Variants in OXR1 observed in about 807,000 individuals in gnomAD.
OXR1 encodes oxidation resistance protein 1.
Under a neutral mutation model 104.6 loss-of-function variants are expected in OXR1, and 41 were observed. The observed-to-expected ratio is 0.39, with a 90% CI of 0.31 to 0.51. OXR1 has a LOEUF of 0.51. Ranked by LOEUF, OXR1 falls within the 20% of genes least tolerant of loss-of-function variation. The pLI, the probability that OXR1 is intolerant of heterozygous loss-of-function variation, is 0.77. For missense variants in OXR1, 955 were observed against 1,031.9 expected, an observed-to-expected ratio of 0.93 and a Z score of 1.02; for synonymous variants, 348 against 348.4, an observed-to-expected ratio of 1.00 and a Z score of 0.01.
intron 2 of OXR1, among the ~76,000 whole-genome samples, chr8:106,470,416 TAAG>T (rs111932696): frequency 0.062 from 9,382 of 151,732 alleles, 699 homozygotes; most frequent in African/African-American, 0.18. Context: ...AAATCAAGAA[TAAG>T]TCCGAGTATT....
chr8:106,510,852 A>C (rs1277425413), intron 2 of OXR1, among the ~76,000 whole-genome samples: 2 of 152,224 alleles, frequency 1.3e-5, no homozygotes, highest in South Asian at 4.1e-4. Context: ...GTTATAACAA[A>C]CTATCTAGTT....
intron 2 of OXR1, among the ~76,000 whole-genome samples, chr8:106,491,039 A>G (rs1377663061): frequency 2.0e-5 from 3 of 152,190 alleles, no homozygotes; most frequent in South Asian, 2.1e-4. Flanking sequence ...TGTAATCTCA[A>G]TCTGGGGTTA....
Position 106,631,386 on chromosome 8 carries a change from C to A in OXR1, c.221-47824C>A, listed in dbSNP as rs1005497342. On this transcript the variant is annotated intron_variant, in intron 3 of 16. Transcript: ENST00000517566. ...TGATGGCATTAAGTGAGGATGTTAA[C>A]CTGTTGTTTTACATGCATATGGATG... Among the ~76,000 whole-genome samples, 79 of 152,160 alleles carry A rather than the reference C, an allele frequency of 5.2e-4. 1 individual carries two copies. The highest frequency in any genetic ancestry group is 1.6e-4 in the Non-Finnish European group (11 of 68,026).
chr8:106,623,605 T>C (rs1351614141), intron 3 of OXR1, among the ~76,000 whole-genome samples: 1 of 152,012 alleles, frequency 6.6e-6, no homozygotes, highest in Non-Finnish European at 1.5e-5. Context: ...GTAGAGTAAG[T>C]TGTGGGGCAG....
At chr8:106,538,085 T>G (rs1814683459) in intron 3 of OXR1, among the ~76,000 whole-genome samples, 1 of 152,172 alleles carries the variant, frequency 6.6e-6, no homozygotes, top group Non-Finnish European at 1.5e-5. Context: ...AAATGGTTAC[T>G]CCTAGCCAAA....
chr8:106,415,836 C>T (rs960735209), intron 2 of OXR1, among the ~76,000 whole-genome samples: 1 of 152,016 alleles, frequency 6.6e-6, no homozygotes, highest in Non-Finnish European at 1.5e-5. Flanking sequence ...GATTGTGTGT[C>T]TCTCAAAGAC....
At chr8:106,729,658 C>T (rs1041026245) in intron 11 of OXR1, 5 of 152,096 alleles carry the variant, frequency 3.3e-5, no homozygotes, top group Admixed American at 1.3e-4. Flanking sequence ...TCTCCAGTCA[C>T]AACCTAGTTG....
intron 2 of OXR1, among the ~76,000 whole-genome samples, chr8:106,481,957 T>A (rs1318116375): frequency 6.6e-6 from 1 of 152,000 alleles, no homozygotes; most frequent in African/African-American, 2.4e-5. Context: ...ACATTTGAGA[T>A]ACTGTTATCA....
intron 3 of OXR1, among the ~76,000 whole-genome samples, chr8:106,538,440 C>CT (rs1229048685): frequency 2.6e-5 from 4 of 152,228 alleles, no homozygotes; most frequent in African/African-American, 9.6e-5. Context: ...TGTATCATCT[C>CT]TTTTCTACTA....
intron 3 of OXR1, among the ~76,000 whole-genome samples, chr8:106,569,072 C>A (rs1397014639): frequency 6.6e-6 from 1 of 152,054 alleles, no homozygotes; most frequent in East Asian, 1.9e-4. Flanking sequence ...TTCCATATAT[C>A]TTTTTGTGTC....
intron 3 of OXR1, among the ~76,000 whole-genome samples, chr8:106,555,165 A>G (rs1214775193): frequency 6.6e-6 from 1 of 151,824 alleles, no homozygotes; most frequent in Non-Finnish European, 1.5e-5. Context: ...ACATCTCCCC[A>G]TTTCTCCCTC....
intron 11 of OXR1, among the ~76,000 whole-genome samples, chr8:106,735,460 T>C (rs546008876): frequency 6.6e-6 from 1 of 152,286 alleles, no homozygotes; most frequent in Admixed American, 6.5e-5. Context: ...GCTGATACAA[T>C]TAGGTTATGA....
intron 7 of OXR1, among the ~76,000 whole-genome samples, chr8:106,696,590 G>A (rs1161426715): frequency 6.6e-6 from 1 of 152,140 alleles, no homozygotes; most frequent in Admixed American, 6.5e-5. Context: ...TAAGCAATGG[G>A]AATCCCTATT....
At chr8:106,271,808 G>A (rs927914242) in intron 1 of OXR1, 17 of 152,308 alleles carry the variant, frequency 1.1e-4, no homozygotes, top group African/African-American at 4.1e-4. Context: ...ACTCTAAGGA[G>A]GACTCAGCCG....
intron 3 of OXR1, among the ~76,000 whole-genome samples, chr8:106,523,618 C>T (rs1014141445): frequency 2.0e-5 from 3 of 152,010 alleles, no homozygotes; most frequent in Non-Finnish European, 4.4e-5. Flanking sequence ...GGGCTATGAC[C>T]TGAAGTTTGA....
At chr8:106,745,204 A>AGGTTT (rs1179120289) in intron 15 of OXR1, among the ~76,000 whole-genome samples, 2 of 152,216 alleles carry the variant, frequency 1.3e-5, no homozygotes, top group African/African-American at 4.8e-5. Context: ...ACACCCATAA[A>AGGTTT]AGGTTAGAAA....
chr8:106,521,278 C>G (rs77921229), intron 3 of OXR1, among the ~76,000 whole-genome samples: 4,508 of 152,120 alleles, frequency 0.03, 228 homozygotes, highest in African/African-American at 0.1. Flanking sequence ...ATTTCATATG[C>G]CAGGGGCAAT....
At chr8:106,736,165 A>ACCCCCCCCCCCCCCCCCC (rs5893803) in intron 11 of OXR1, among the ~76,000 whole-genome samples, 2 of 145,608 alleles carry the variant, frequency 1.4e-5, no homozygotes, top group Non-Finnish European at 3.0e-5. Context: ...TTTATCTGAC[A>ACCCCCCCCCCCCCCCCCC]CCCCCCCCCA....
At chr8:106,290,648 C>A (rs1393821862) in intron 1 of OXR1, among the ~76,000 whole-genome samples, 1 of 152,236 alleles carries the variant, frequency 6.6e-6, no homozygotes, top group East Asian at 1.9e-4. Flanking sequence ...TTCACAGACA[C>A]TTCTGAAAGG....
Sources: gnomAD v4.1 joint callset for allele counts (sites outside exome capture counted in the v4.1 genomes callset) on GRCh38, gnomAD v4.1.1 for gene constraint, MANE v1.5 for transcripts, NCBI Gene and HGNC (gene_info 2026-07-23, HGNC 2026-07-21) for gene names.